The following PITPNM3 variants were observed in gnomAD, a reference collection of about 807,000 sequenced individuals.
PITPNM3 encodes PITPNM family member 3, also known as membrane-associated phosphatidylinositol transfer protein 3.
In PITPNM3, 26 loss-of-function variants were observed where a neutral mutation model predicts 102.0. The observed-to-expected ratio is 0.25, with a 90% confidence interval of 0.19 to 0.35. The LOEUF is 0.35. Ranked by LOEUF, PITPNM3 falls within the 10% of genes least tolerant of loss-of-function variation. The probability of loss-of-function intolerance (pLI) is 1.00; values close to 1 mark genes in which losing one functional copy is unlikely to be tolerated. For missense variants in PITPNM3, 1,083 were observed against 1,346.1 expected (o/e 0.80, Z 3.06); for synonymous variants, 578 against 558.6 (o/e 1.03, Z -0.49).
intron 2 of PITPNM3, 45 bp from the exon 3 acceptor site, chr17:6,525,508 A>C: frequency 2.8e-6 from 4 of 1,429,032 alleles, no homozygotes; most frequent in Non-Finnish European, 4.0e-6. Context: ...GCAGCTAGGG[A>C]TAGGTAGCCC....
At position 6,472,057 on chromosome 17, in the gene PITPNM3, G is replaced by A. The variant is rs565879884; in HGVS notation, c.1429+600C>T. ...AAGTAGGGCGTGGAGCCAAGGCTCCGATTTCCAAGCTGCTGACTGTCCATT... is the reference window on the plus strand; with the variant it reads ...AAGTAGGGCGTGGAGCCAAGGCTCCAATTTCCAAGCTGCTGACTGTCCATT... On this transcript the variant is annotated intron_variant, in intron 11 of 19. Transcript: ENST00000262483. The surrounding 1 kb of genome is among the most constrained non-coding windows in gnomAD (Gnocchi z 4.1). Among the ~76,000 whole-genome samples the A allele has an allele frequency of 2.0e-5, 3 of 152,308 alleles. No individual in the cohort carries two copies. The highest frequency in any genetic ancestry group is 1.9e-4 in the East Asian group (1 of 5,184).
chr17:6,524,474 C>T (rs1908714856), intron 3 of PITPNM3, among the ~76,000 whole-genome samples: 1 of 152,214 alleles, frequency 6.6e-6, no homozygotes, highest in African/African-American at 2.4e-5. Flanking sequence ...CAGCCCTCAG[C>T]TGAAGATCTC....
At chr17:6,534,743 G>A (rs577920933) in intron 2 of PITPNM3, among the ~76,000 whole-genome samples, 7 of 152,078 alleles carry the variant, frequency 4.6e-5, no homozygotes, top group East Asian at 1.9e-4. Flanking sequence ...TGTAGACGCC[G>A]CTTGGTTTCT....
At chr17:6,474,170 C>A (rs1905189725) in intron 10 of PITPNM3, among the ~76,000 whole-genome samples, 1 of 151,994 alleles carries the variant, frequency 6.6e-6, no homozygotes, top group African/African-American at 2.4e-5. Context: ...GACCACCGGA[C>A]AATGAGGCCA....
Position 6,468,131 on chromosome 17 carries a change from C to T in PITPNM3, c.1890+94G>A, listed in dbSNP as rs1354460136. 46 of 1,208,150 alleles carry T rather than the reference C, an allele frequency of 3.8e-5. No individual in the cohort carries two copies. The highest frequency in any genetic ancestry group is 4.6e-5 in the Non-Finnish European group (38 of 821,312). 74.8% of individuals were successfully genotyped at this position (1,208,150 alleles called of 1,614,324 possible). ...GCTGAGCTCTGAGGACAAATTGAAG[C>T]GCTTACCTCCCATGTGGATGCCCCA... On this transcript the variant is annotated intron_variant, in intron 14 of 19. Transcript: ENST00000262483. This position sits in a 1 kb window ranked among gnomAD's most constrained non-coding sequence, Gnocchi z 5.2.
rs778434783 is a variant in PITPNM3, at chr17:6,470,248, C to T, written c.1773+12G>A. 1.6e-5 allele frequency: 25 copies of T among 1,595,692 alleles called. No homozygotes were observed. Among genetic ancestry groups the T allele is most frequent in the Non-Finnish European group, 1.9e-5 (22 of 1,171,038 alleles). On this transcript the variant is annotated intron_variant, in intron 13 of 19. Transcript: ENST00000262483. This position sits in a 1 kb window ranked among gnomAD's most constrained non-coding sequence, Gnocchi z 4.8. ...GTGGCTGTGGGCAGGCCCGCGACTG[C>T]GGCAGCAGTACCTGTCTCAGGATGA...
At chr17:6,475,011 A>G (rs996344019) in intron 9 of PITPNM3, among the ~76,000 whole-genome samples, 13 of 152,152 alleles carry the variant, frequency 8.5e-5, no homozygotes, top group Non-Finnish European at 1.5e-4. Context: ...CATCCTACAC[A>G]CTGGCAGGCC....
At chr17:6,549,890 C>T (rs1910219396) in intron 1 of PITPNM3, among the ~76,000 whole-genome samples, 1 of 152,214 alleles carries the variant, frequency 6.6e-6, no homozygotes, top group Non-Finnish European at 1.5e-5. Context: ...GAGGCACGTG[C>T]TCTCCACGTC....
chr17:6,455,263 G>T lies in PITPNM3; in HGVS notation c.*75C>A, dbSNP rs1914035447. On this transcript the variant is annotated 3_prime_UTR_variant, in exon 20 of 20. Coordinates refer to ENST00000262483, the MANE Select transcript of PITPNM3 (RefSeq NM_031220.4). ...AGCAGGAAAACGCCTGTGTCGGGGA[G>T]AGGGCAGCCCCCTCCCGTCCCCGCA... 6.7e-7 allele frequency: 1 copy of T among 1,483,144 alleles called. No individual in the cohort carries two copies. The highest frequency in any genetic ancestry group is 2.4e-5 in the East Asian group (1 of 41,238). The allele number at this position is 1,483,144 out of a possible 1,614,324, so 91.9% of individuals were successfully genotyped here.
At chr17:6,461,250 C>A in intron 18 of PITPNM3, 123 bp downstream of exon 18, 1 of 1,218,974 alleles carries the variant, frequency 8.2e-7, no homozygotes, top group South Asian at 1.3e-5. Context: ...TCCAGATCCA[C>A]GGGAATGGGA....
At chr17:6,471,656 A>T (rs961059265) in intron 11 of PITPNM3, among the ~76,000 whole-genome samples, 1 of 152,224 alleles carries the variant, frequency 6.6e-6, no homozygotes, top group Non-Finnish European at 1.5e-5. Flanking sequence ...CTGCAGAGGG[A>T]GCCTCTGGGA....
At chr17:6,527,019 C>T (rs1333622715) in intron 2 of PITPNM3, among the ~76,000 whole-genome samples, 1 of 152,198 alleles carries the variant, frequency 6.6e-6, no homozygotes, top group East Asian at 1.9e-4. Flanking sequence ...AGGGCCCTGA[C>T]CAGGTTCCAG....
chr17:6,525,890 G>A (rs1597403116), intron 2 of PITPNM3, among the ~76,000 whole-genome samples: 1 of 152,184 alleles, frequency 6.6e-6, no homozygotes, highest in African/African-American at 2.4e-5. Flanking sequence ...GTGTTGTGAG[G>A]ATTAAATGAG....
chr17:6,467,106 A>G (rs1404657095), intron 14 of PITPNM3, among the ~76,000 whole-genome samples: 1 of 147,516 alleles, frequency 6.8e-6, no homozygotes, highest in African/African-American at 2.5e-5. Flanking sequence ...GGTGAAAACA[A>G]CCCAAAAAAT....
chr17:6,478,850 C>T lies in PITPNM3; in HGVS notation c.588-114G>A. On this transcript the variant is annotated intron_variant, in intron 6 of 19. Transcript: ENST00000262483. This position sits in a 1 kb window ranked among gnomAD's most constrained non-coding sequence, Gnocchi z 4.4. ...CTGGCCAGGAATTGGGCTCCAGGGA[C>T]CCTTCAGGAAGACCCAGGCAGGAGC... is the stretch of plus-strand genomic sequence containing the variant. 1.8e-6 allele frequency: 2 copies of T among 1,102,030 alleles called. No homozygotes were observed. The highest frequency in any genetic ancestry group is 2.6e-6 in the Non-Finnish European group (2 of 784,302). 68.3% of individuals were successfully genotyped at this position (1,102,030 alleles called of 1,614,324 possible). A position where few individuals can be genotyped will look rare whatever the true frequency, so the allele number is the denominator to read the frequency against.
At chr17:6,525,580 A>G in intron 2 of PITPNM3, 117 bp from the exon 3 acceptor site, 6 of 761,270 alleles carry the variant, frequency 7.9e-6, no homozygotes, top group East Asian at 2.5e-5. Context: ...GAGTTGAGGT[A>G]CACCTCAACT....
chr17:6,464,478 C>T lies in PITPNM3; in HGVS notation c.2008-160G>A, dbSNP rs548528131. On this transcript the variant is annotated intron_variant, in intron 15 of 19. Coordinates refer to ENST00000262483, the MANE Select transcript of PITPNM3 (RefSeq NM_031220.4). ...TTGTCCTTGGATACTCTGAGCCCAT[C>T]CTTTCCTCCTTGCTCACCCTTCCCG... 2.0e-5 allele frequency among the ~76,000 whole-genome samples: 3 copies of T among 152,318 alleles called. No individual in the cohort carries two copies. In the East Asian group the frequency reaches 5.8e-4, roughly 29 times the overall value.
chr17:6,506,961 T>C (rs1907555117), intron 3 of PITPNM3, among the ~76,000 whole-genome samples: 1 of 152,082 alleles, frequency 6.6e-6, no homozygotes, highest in African/African-American at 2.4e-5. Flanking sequence ...AGTGAGAGGT[T>C]TTTTCCCTCT....
rs1905036553 is a variant in PITPNM3, at chr17:6,470,902, GCT to G, written c.1624+257_1624+258del. The stretch of plus-strand genomic sequence containing the variant: ...ATTTGAGGCAGGGTCAGAGTTCAGG[GCT>G]CTGTCCAGGGTCAGAGGTCAAGGTT... On this transcript the variant is annotated intron_variant, in intron 12 of 19. Transcript: ENST00000262483. The surrounding 1 kb of genome is among the most constrained non-coding windows in gnomAD (Gnocchi z 4.8). 6.6e-6 allele frequency among the ~76,000 whole-genome samples: 1 copy of G among 152,044 alleles called. No homozygotes were observed. Among genetic ancestry groups the G allele is most frequent in the African/African-American group, 2.4e-5 (1 of 41,398 alleles).
Sources: allele counts gnomAD v4.1 joint callset (sites outside exome capture counted in the v4.1 genomes callset), GRCh38; gene constraint gnomAD v4.1.1; non-coding constraint Gnocchi (gnomAD v3.1); transcripts MANE v1.5; gene names NCBI Gene and HGNC (gene_info 2026-07-23, HGNC 2026-07-21).